Variants in THSD7A observed in about 807,000 individuals in gnomAD.
THSD7A encodes the protein thrombospondin type-1 domain-containing protein 7A.
Under a neutral mutation model 231.3 loss-of-function variants are expected in THSD7A, and 96 were observed. The ratio of observed to expected loss-of-function variants is 0.41; its 90% confidence interval spans 0.35 to 0.49. THSD7A has a LOEUF of 0.49. Ranked by LOEUF, THSD7A falls within the 20% of genes least tolerant of loss-of-function variation. THSD7A has a pLI of 0.05. For missense variants in THSD7A, 2,290 were observed against 2,070.2 expected (o/e 1.11, Z -2.06); for synonymous variants, 940 against 743.3 (o/e 1.26, Z -4.30).
At position 11,373,712 on chromosome 7, in the gene THSD7A, G is replaced by A. The variant is rs1242060226; in HGVS notation, c.*2082C>T. 6.6e-6 allele frequency: 1 copy of A among 151,840 alleles called. No homozygotes were observed. Among genetic ancestry groups the A allele is most frequent in the Non-Finnish European group, 1.5e-5 (1 of 67,954 alleles). 9.4% of individuals were successfully genotyped at this position (151,840 alleles called of 1,614,324 possible). On this transcript the variant is annotated 3_prime_UTR_variant, in exon 28 of 28. Transcript: ENST00000423059. ...TAACCTGATGTCTTTTGTAATCTTT[G>A]CAAATACTCTAATGAACAGCAGGGG...
intron 2 of THSD7A, among the ~76,000 whole-genome samples, chr7:11,625,863 A>G (rs1037800146): frequency 6.6e-6 from 1 of 152,118 alleles, no homozygotes; most frequent in African/African-American, 2.4e-5. Context: ...CCAGCAAATA[A>G]ATGAAAACAA....
At chr7:11,762,121 C>G (rs1465727474) in intron 1 of THSD7A, among the ~76,000 whole-genome samples, 1 of 152,064 alleles carries the variant, frequency 6.6e-6, no homozygotes, top group Non-Finnish European at 1.5e-5. Context: ...ATGGTGTATA[C>G]CTACCACATT....
Position 11,372,478 on chromosome 7 carries a change from C to A in THSD7A, c.*3316G>T, listed in dbSNP as rs1242225687. 6.6e-6 allele frequency: 1 copy of A among 151,842 alleles called. No individual in the cohort carries two copies. The highest frequency in any genetic ancestry group is 1.9e-4 in the East Asian group (1 of 5,186). 9.4% of individuals were successfully genotyped at this position (151,842 alleles called of 1,614,324 possible). On this transcript the variant is annotated 3_prime_UTR_variant, in exon 28 of 28. Coordinates refer to ENST00000423059, the MANE Select transcript of THSD7A (RefSeq NM_015204.3). ...CTTTTTAAATTCACTTAAGCTACAC[C>A]GTAGTATCCTCAAAAAAGGCTTTGA...
At chr7:11,380,863 C>A (rs963528579) in intron 24 of THSD7A, among the ~76,000 whole-genome samples, 1 of 152,018 alleles carries the variant, frequency 6.6e-6, no homozygotes, top group African/African-American at 2.4e-5. Flanking sequence ...GTACACTTTG[C>A]TGAATTGAAA....
At chr7:11,505,895 A>T (rs1583866897) in intron 6 of THSD7A, among the ~76,000 whole-genome samples, 1 of 152,310 alleles carries the variant, frequency 6.6e-6, no homozygotes, top group Middle Eastern at 3.4e-3. Flanking sequence ...GTGACTTGAC[A>T]TGAGAAGAAT....
rs975316244 is a variant in THSD7A, at chr7:11,371,752, T to C, written c.*4042A>G. The C allele has an allele frequency of 9.5e-5, 13 of 136,556 alleles. 1 individual carries two copies. Among genetic ancestry groups the C allele is most frequent in the African/African-American group, 3.6e-4 (13 of 36,524 alleles). The allele number at this position is 136,556 out of a possible 1,614,324, so 8.5% of individuals were successfully genotyped here. A position where few individuals can be genotyped will look rare whatever the true frequency, so the allele number is the denominator to read the frequency against. On this transcript the variant is annotated 3_prime_UTR_variant, in exon 28 of 28. Coordinates refer to ENST00000423059, the MANE Select transcript of THSD7A (RefSeq NM_015204.3). The stretch of plus-strand genomic sequence containing the variant: ...TTTTTACAGAAAAGGGCTTTTTTTT[T>C]TTTTTTTTTCCTGCATGCCTTCCAC...
At chr7:11,415,769 C>G (rs1336436296) in intron 17 of THSD7A, among the ~76,000 whole-genome samples, 1 of 152,152 alleles carries the variant, frequency 6.6e-6, no homozygotes, top group South Asian at 2.1e-4. Context: ...CTTGCTTTTT[C>G]CCAGATGTGT....
At chr7:11,752,118 G>A (rs1156639334) in intron 1 of THSD7A, among the ~76,000 whole-genome samples, 2 of 152,052 alleles carry the variant, frequency 1.3e-5, no homozygotes, top group South Asian at 2.1e-4. Flanking sequence ...ACCAGCTGGC[G>A]ATTTCTGGTC....
rs77229387 is a variant in THSD7A, at chr7:11,629,927, C to T, written c.1022+6203G>A. Among the ~76,000 whole-genome samples, 384 of 152,296 alleles carry T rather than the reference C, an allele frequency of 2.5e-3. 2 individuals carry two copies. The highest frequency in any genetic ancestry group is 3.9e-3 in the Non-Finnish European group (262 of 68,024). On this transcript the variant is annotated intron_variant, in intron 2 of 27. Coordinates refer to ENST00000423059, the MANE Select transcript of THSD7A (RefSeq NM_015204.3). ...TCTCTCCCTCTCTACCTCATCATTG[C>T]CTATCCCAGAACACGTATGGTTTAC...
chr7:11,450,277 A>G lies in THSD7A; in HGVS notation c.2606-2853T>C, dbSNP rs537371212. Reference sequence around the variant, plus strand: ...ACATAAACTGGAATCCCTTTTCCCCATATACCTGCACTACATAAAATCTTA... The same window carrying G: ...ACATAAACTGGAATCCCTTTTCCCCGTATACCTGCACTACATAAAATCTTA... On this transcript the variant is annotated intron_variant, in intron 11 of 27. Coordinates refer to ENST00000423059, the MANE Select transcript of THSD7A (RefSeq NM_015204.3). 4.5e-4 allele frequency among the ~76,000 whole-genome samples: 69 copies of G among 152,158 alleles called. 1 individual carries two copies. Among genetic ancestry groups the G allele is most frequent in the African/African-American group, 1.7e-3 (69 of 41,548 alleles).
At chr7:11,695,313 A>T (rs1780354340) in intron 1 of THSD7A, among the ~76,000 whole-genome samples, 2 of 151,542 alleles carry the variant, frequency 1.3e-5, no homozygotes, top group South Asian at 4.1e-4. Context: ...TTAACCTAAA[A>T]CTGGTTATTG....
intron 1 of THSD7A, among the ~76,000 whole-genome samples, chr7:11,775,029 G>C (rs1783356342): frequency 6.6e-6 from 1 of 152,132 alleles, no homozygotes. Context: ...GGGTGACAGA[G>C]TGAGATTTGT....
chr7:11,468,434 C>T (rs569806573), intron 9 of THSD7A, among the ~76,000 whole-genome samples: 11 of 151,434 alleles, frequency 7.3e-5, no homozygotes, highest in Admixed American at 1.3e-4. Context: ...ATTAAAATGT[C>T]AGGCAATGAC....
chr7:11,582,098 G>T (rs1327369156), intron 4 of THSD7A, among the ~76,000 whole-genome samples: 1 of 151,662 alleles, frequency 6.6e-6, no homozygotes, highest in Non-Finnish European at 1.5e-5. Flanking sequence ...TCTTTATTTG[G>T]TATTAGATAG....
chr7:11,579,138 T>C (rs563305339), intron 4 of THSD7A, among the ~76,000 whole-genome samples: 1 of 152,350 alleles, frequency 6.6e-6, no homozygotes, highest in African/African-American at 2.4e-5. Context: ...GATGAATCTG[T>C]TGTTACAGTT....
At chr7:11,449,007 C>G (rs190981791) in intron 11 of THSD7A, among the ~76,000 whole-genome samples, 176 of 152,084 alleles carry the variant, frequency 1.2e-3, no homozygotes, top group Admixed American at 0.01. Flanking sequence ...GAATCTACCC[C>G]CTTGAGGGAG....
At chr7:11,725,262 T>C (rs978744490) in intron 1 of THSD7A, among the ~76,000 whole-genome samples, 1 of 151,948 alleles carries the variant, frequency 6.6e-6, no homozygotes, top group Non-Finnish European at 1.5e-5. Context: ...TGGAATGAAA[T>C]AGGATAAATG....
At chr7:11,584,123 G>A (rs1042605022) in intron 4 of THSD7A, among the ~76,000 whole-genome samples, 1 of 152,086 alleles carries the variant, frequency 6.6e-6, no homozygotes, top group African/African-American at 2.4e-5. Flanking sequence ...CCCAAAATGT[G>A]TAACACTTTT....
intron 6 of THSD7A, among the ~76,000 whole-genome samples, chr7:11,488,561 A>G (rs188308323): frequency 6.6e-6 from 1 of 152,130 alleles, no homozygotes; most frequent in East Asian, 1.9e-4. Context: ...TAATCCCTGC[A>G]TTATTTTTGC....
Sources: allele counts gnomAD v4.1 joint callset (sites outside exome capture counted in the v4.1 genomes callset), GRCh38; gene constraint gnomAD v4.1.1; transcripts MANE v1.5; gene names NCBI Gene and HGNC (gene_info 2026-07-23, HGNC 2026-07-21).